SMOX: variants seen among roughly 807,000 people sequenced by gnomAD.
SMOX encodes flavin containing amine oxidase.
A neutral mutation model predicts 51.0 loss-of-function variants in SMOX; 22 were observed. That is an observed-to-expected ratio of 0.43 (90% CI 0.31 to 0.62). The LOEUF (loss-of-function observed/expected upper bound fraction) is 0.62, where lower values mean the gene tolerates loss of function less well. Ranked by LOEUF, SMOX falls within the 20% of genes least tolerant of loss-of-function variation. The pLI, the probability that SMOX is intolerant of heterozygous loss-of-function variation, is 0.10. For synonymous variants in SMOX, 282 were observed against 307.8 expected, an observed-to-expected ratio of 0.92 and a Z score of 0.88; for missense variants, 566 against 777.7, an observed-to-expected ratio of 0.73 and a Z score of 3.24.
In SMOX at chr20:4,177,593, A is replaced by G; in HGVS notation, c.435+16A>G. 6.4e-7 allele frequency: 1 copy of G among 1,568,368 alleles called. No homozygotes were observed. Among genetic ancestry groups the G allele is most frequent in the East Asian group, 2.3e-5 (1 of 43,184 alleles). On this transcript the variant is annotated intron_variant, in intron 3 of 6. Transcript: ENST00000305958. The surrounding 1 kb of genome is among the most constrained non-coding windows in gnomAD (Gnocchi z 4.3). ...ATACAACGAGGTAAGGTGTGAGCAG[A>G]GTAGCTGGGCGTAAGGGCATGGGGA...
rs1478281313 is a variant in SMOX, at chr20:4,172,550, G to T, written c.-26-2480G>T. On this transcript the variant is annotated intron_variant, in intron 1 of 6. Coordinates refer to ENST00000305958, the MANE Select transcript of SMOX (RefSeq NM_175839.3). This position sits in a 1 kb window ranked among gnomAD's most constrained non-coding sequence, Gnocchi z 7.7. ...CGAGGGAGGAGAGGGACGGGAGTCA[G>T]AGGACAGAGGCGGGGAGGAGGAAAG... 6.6e-6 allele frequency among the ~76,000 whole-genome samples: 1 copy of T among 152,128 alleles called. No individual in the cohort carries two copies. Among genetic ancestry groups the T allele is most frequent in the Non-Finnish European group, 1.5e-5 (1 of 68,008 alleles).
rs1979520045 is a variant in SMOX, at chr20:4,183,639, G to C, written c.1515G>C (p.Glu505Asp). 1 of 1,582,008 alleles carries C rather than the reference G, an allele frequency of 6.3e-7. No individual in the cohort carries two copies. The highest frequency in any genetic ancestry group is 1.2e-5 in the South Asian group (1 of 85,046). The stretch of plus-strand genomic sequence containing the variant: ...TGGCCAAGCCCCTGCCGTACACAGA[G>C]AGCTCAAAGACAGCGGTAAGCGGGG... ...EKLAKPLPYT[E>D]SSKTAPMQVL... Residue 505 changes from glutamate to aspartate, a missense_variant, in exon 6 of 7, where the codon GAG becomes GAC. This residue lies in a region of SMOX where 347 missense variants were observed against 481.8 expected (regional missense o/e 0.72). Transcript: ENST00000305958. This position sits in a 1 kb window ranked among gnomAD's most constrained non-coding sequence, Gnocchi z 4.3.
At position 4,181,639 on chromosome 20, in the gene SMOX, T is replaced by G. The variant is rs1354755981; in HGVS notation, c.436-164T>G. 6.6e-6 allele frequency among the ~76,000 whole-genome samples: 1 copy of G among 152,182 alleles called. No individual in the cohort carries two copies. Among genetic ancestry groups the G allele is most frequent in the East Asian group, 1.9e-4 (1 of 5,178 alleles). ...GGAGGTGGCTGCCCGGGGCCTTGGCTTTTGGTGCAGCATTGAGTGCAACAT... is the reference window on the plus strand; with the variant it reads ...GGAGGTGGCTGCCCGGGGCCTTGGCGTTTGGTGCAGCATTGAGTGCAACAT... On this transcript the variant is annotated intron_variant, in intron 3 of 6. Coordinates refer to ENST00000305958, the MANE Select transcript of SMOX (RefSeq NM_175839.3). This position sits in a 1 kb window ranked among gnomAD's most constrained non-coding sequence, Gnocchi z 5.6.
intron 6 of SMOX, among the ~76,000 whole-genome samples, chr20:4,186,225 T>G (rs1471079076): frequency 1.3e-5 from 2 of 152,172 alleles, no homozygotes; most frequent in Admixed American, 6.5e-5. Flanking sequence ...GAGGATTGCT[T>G]GAGCCCAGGA....
Position 4,187,437 on chromosome 20 carries a change from TAA to T in SMOX, c.*31_*32del, listed in dbSNP as rs1979830854. 6.2e-7 allele frequency: 1 copy of T among 1,605,560 alleles called. No homozygotes were observed. The highest frequency in any genetic ancestry group is 1.7e-5 in the Admixed American group (1 of 59,576). ...TGTCCTCGCTGCTGAGAAGAGCCACTAACTCGTGACCTCCAGCCTGCCCCTTG... is the reference window on the plus strand; with the variant it reads ...TGTCCTCGCTGCTGAGAAGAGCCACTCTCGTGACCTCCAGCCTGCCCCTTG... On this transcript the variant is annotated 3_prime_UTR_variant, in exon 7 of 7. Coordinates refer to ENST00000305958, the MANE Select transcript of SMOX (RefSeq NM_175839.3). The surrounding 1 kb of genome is among the most constrained non-coding windows in gnomAD (Gnocchi z 4.8).
At chr20:4,168,749 G>A (rs1986687473) in intron 1 of SMOX, among the ~76,000 whole-genome samples, 1 of 151,792 alleles carries the variant, frequency 6.6e-6, no homozygotes, top group South Asian at 2.1e-4. Context: ...TAGAGACAGG[G>A]TTTCACCATG....
At position 4,170,414 on chromosome 20, in the gene SMOX, G is replaced by A. The variant is rs943898413; in HGVS notation, c.-26-4616G>A. Among the ~76,000 whole-genome samples the A allele has an allele frequency of 8.5e-5, 13 of 152,248 alleles. No individual in the cohort carries two copies. In the South Asian group the frequency reaches 2.7e-3, roughly 32 times the overall value. The stretch of plus-strand genomic sequence containing the variant: ...TCAGACGTTGGAGACCAGGACTAAC[G>A]CGTGTCTCTCTAGTATTTGGCCATT... On this transcript the variant is annotated intron_variant, in intron 1 of 6. Coordinates refer to ENST00000305958, the MANE Select transcript of SMOX (RefSeq NM_175839.3). This position sits in a 1 kb window ranked among gnomAD's most constrained non-coding sequence, Gnocchi z 4.6.
chr20:4,179,926 A>G (rs1320455300), intron 3 of SMOX, among the ~76,000 whole-genome samples: 3 of 152,222 alleles, frequency 2.0e-5, no homozygotes, highest in African/African-American at 7.2e-5. Context: ...AGACTGTGCC[A>G]TGTGATACAC....
At chr20:4,164,853 G>T (rs1300863074) in intron 1 of SMOX, among the ~76,000 whole-genome samples, 1 of 152,046 alleles carries the variant, frequency 6.6e-6, no homozygotes, top group East Asian at 1.9e-4. Context: ...GGGCAGTCTT[G>T]CACCAACGTA....
rs368912290 is a variant in SMOX, at chr20:4,165,443, T to C, written c.-26-9587T>C. Reference sequence around the variant, plus strand: ...TCAACCTCCTGACCTCAAGCAATCCTCCCACGTCAGCTTCCTAAAGCACTG... The same window carrying C: ...TCAACCTCCTGACCTCAAGCAATCCCCCCACGTCAGCTTCCTAAAGCACTG... On this transcript the variant is annotated intron_variant, in intron 1 of 6. Transcript: ENST00000305958. Among the ~76,000 whole-genome samples, 134 of 152,288 alleles carry C rather than the reference T, an allele frequency of 8.8e-4. 1 individual carries two copies. In the South Asian group the frequency reaches 0.027, roughly 31 times the overall value.
At position 4,187,578 on chromosome 20, in the gene SMOX, G is replaced by C; in HGVS notation, c.*171G>C. ...CCCTGTAGCTTTTCTTTTTCTCCAGGCTGGGCCGTGAGCAGGTGGGCCGTT... is the reference window on the plus strand; with the variant it reads ...CCCTGTAGCTTTTCTTTTTCTCCAGCCTGGGCCGTGAGCAGGTGGGCCGTT... On this transcript the variant is annotated 3_prime_UTR_variant, in exon 7 of 7. Transcript: ENST00000305958. The surrounding 1 kb of genome is among the most constrained non-coding windows in gnomAD (Gnocchi z 4.8). The C allele has an allele frequency of 1.0e-6, 1 of 980,682 alleles. No individual in the cohort carries two copies. Among genetic ancestry groups the C allele is most frequent in the South Asian group, 1.9e-5 (1 of 53,062 alleles). The allele number at this position is 980,682 out of a possible 1,614,324, so 60.7% of individuals were successfully genotyped here.
Position 4,177,306 on chromosome 20 carries a change from G to T in SMOX, c.209-45G>T, listed in dbSNP as rs1477487460. ...GGGGGAAGCAGTGCTGGCCCTCTCT[G>T]GAGAAGTCCCTAAGCCTCTAAGGGC... is the stretch of plus-strand genomic sequence containing the variant. On this transcript the variant is annotated intron_variant, in intron 2 of 6. Transcript: ENST00000305958. The surrounding 1 kb of genome is among the most constrained non-coding windows in gnomAD (Gnocchi z 4.3). 1 of 1,507,424 alleles carries T rather than the reference G, an allele frequency of 6.6e-7. No individual in the cohort carries two copies. Among genetic ancestry groups the T allele is most frequent in the Admixed American group, 2.0e-5 (1 of 50,604 alleles). 93.4% of individuals were successfully genotyped at this position (1,507,424 alleles called of 1,614,324 possible). A position where few individuals can be genotyped will look rare whatever the true frequency, so the allele number is the denominator to read the frequency against.
chr20:4,156,226 T>A (rs1336191678), intron 1 of SMOX, among the ~76,000 whole-genome samples: 1 of 152,142 alleles, frequency 6.6e-6, no homozygotes, highest in African/African-American at 2.4e-5. Flanking sequence ...ATCTTTTTTT[T>A]AAATGACTGC....
intron 1 of SMOX, among the ~76,000 whole-genome samples, chr20:4,173,578 T>C (rs1978592808): frequency 1.3e-5 from 2 of 152,140 alleles, no homozygotes; most frequent in Admixed American, 1.3e-4. Context: ...CCTCTTTCTG[T>C]TGGGTGTATT....
intron 1 of SMOX, among the ~76,000 whole-genome samples, chr20:4,165,440 T>C (rs1986532759): frequency 6.6e-6 from 1 of 152,150 alleles, no homozygotes; most frequent in African/African-American, 2.4e-5. Flanking sequence ...CCTCAAGCAA[T>C]CCTCCCACGT....
rs761682808 is a variant in SMOX at position 4,175,202 on chromosome 20, G to A, written c.147G>A (p.Thr49=). Residue 49 remains threonine (T), a synonymous_variant, in exon 2 of 7, where the codon ACG becomes ACA. Coordinates refer to ENST00000305958, the MANE Select transcript of SMOX (RefSeq NM_175839.3). ...AAKALLEQGF[T]DVTVLEASSH... Reference sequence around the variant, plus strand: ...AAGCACTTCTTGAGCAGGGTTTCACGGATGTCACTGTGCTTGAGGCTTCCA... The same window carrying A: ...AAGCACTTCTTGAGCAGGGTTTCACAGATGTCACTGTGCTTGAGGCTTCCA... 1.7e-5 allele frequency: 28 copies of A among 1,614,180 alleles called. No homozygotes were observed. Among genetic ancestry groups the A allele is most frequent in the East Asian group, 2.2e-5 (1 of 44,878 alleles).
At chr20:4,161,177 C>T (rs1322093901) in intron 1 of SMOX, among the ~76,000 whole-genome samples, 2 of 152,206 alleles carry the variant, frequency 1.3e-5, no homozygotes, top group African/African-American at 4.8e-5. Flanking sequence ...TGCCAGCTCA[C>T]ACCTCCCAGG....
rs201267857 is a variant in SMOX, at chr20:4,182,390, G to A, written c.911G>A (p.Arg304Lys). The A allele has an allele frequency of 6.3e-7, 1 of 1,599,210 alleles. No homozygotes were observed. Among genetic ancestry groups the A allele is most frequent in the East Asian group, 2.2e-5 (1 of 44,664 alleles). ...GQGGEEPRGG[R>K]WDEDEQWSVV... ...GGTGGAGAGGAGCCCCGGGGGGGCA[G>A]GTGGGATGAGGATGAGCAGTGGTCG... Residue 304 changes from arginine to lysine, a missense_variant, in exon 5 of 7, where the codon AGG (arginine) becomes AAG (lysine). Coordinates refer to ENST00000305958, the MANE Select transcript of SMOX (RefSeq NM_175839.3). The surrounding 1 kb of genome is among the most constrained non-coding windows in gnomAD (Gnocchi z 8.4).
chr20:4,165,049 GTTTTTTTTTT>G (rs781522050), intron 1 of SMOX, among the ~76,000 whole-genome samples: 2 of 87,330 alleles, frequency 2.3e-5, no homozygotes, highest in Non-Finnish European at 4.4e-5. Context: ...TAGCTAAGTT[GTTTTTTTTTT>G]TTTTTTTTTT....
Sources: allele counts gnomAD v4.1 joint callset (sites outside exome capture counted in the v4.1 genomes callset), GRCh38; gene constraint gnomAD v4.1.1; regional missense constraint gnomAD v4.1.1; non-coding constraint Gnocchi (gnomAD v3.1); transcripts MANE v1.5; gene names NCBI Gene and HGNC (gene_info 2026-07-23, HGNC 2026-07-21).